TUSC3: variants seen among roughly 807,000 people sequenced by gnomAD.
TUSC3 encodes tumor suppressor candidate 3, also known as dolichyl-diphosphooligosaccharide--protein glycosyltransferase subunit TUSC3.
TUSC3 carries 45 observed loss-of-function variants against 44.8 expected under a neutral mutation model. The ratio of observed to expected loss-of-function variants is 1.00; its 90% confidence interval spans 0.79 to 1.29. The LOEUF is 1.29. Among genes scored for constraint, TUSC3 ranks in the 50% most tolerant of loss-of-function variants. The pLI is 0.00. For synonymous variants in TUSC3, 212 were observed against 152.9 expected (o/e 1.39, Z -2.85); for missense variants, 519 against 437.9 (o/e 1.19, Z -1.65).
intron 9 of TUSC3, 42 bp downstream of exon 9, chr8:15,748,507 AAT>A (rs763952923): frequency 6.9e-7 from 1 of 1,443,778 alleles, no homozygotes; most frequent in South Asian, 1.1e-5. Flanking sequence ...ATTTTTAACT[AAT>A]AGAACAGAGT....
the TUSC3 span, among the ~76,000 whole-genome samples, chr8:15,798,231 C>G: frequency 6.6e-6 from 1 of 151,772 alleles, no homozygotes; most frequent in South Asian, 2.1e-4. Context: ...TTGAATAGAC[C>G]CTTAAGGTCA....
chr8:15,650,269 T>C (rs1204695666), intron 2 of TUSC3, among the ~76,000 whole-genome samples: 1 of 152,218 alleles, frequency 6.6e-6, no homozygotes, highest in Non-Finnish European at 1.5e-5. Flanking sequence ...TTCTTAAAAA[T>C]TGGTCTTTGC....
chr8:15,562,112 C>T (rs531388924), intron 1 of TUSC3, among the ~76,000 whole-genome samples: 4 of 152,134 alleles, frequency 2.6e-5, no homozygotes, highest in African/African-American at 9.7e-5. Flanking sequence ...ATGCAGGAGT[C>T]TAGCTTCAGA....
At chr8:15,811,555 G>A in the TUSC3 span, among the ~76,000 whole-genome samples, 6 of 152,168 alleles carry the variant, frequency 3.9e-5, no homozygotes, top group African/African-American at 1.4e-4. Context: ...GCAGAGAGCT[G>A]GATCCAACCA....
the TUSC3 span, among the ~76,000 whole-genome samples, chr8:15,787,211 T>C: frequency 6.6e-6 from 1 of 152,294 alleles, no homozygotes; most frequent in South Asian, 2.1e-4. Flanking sequence ...AATTCTTAGA[T>C]TTCTTTCAAC....
intron 1 of TUSC3, among the ~76,000 whole-genome samples, chr8:15,603,898 G>C (rs1804409272): frequency 6.6e-6 from 1 of 151,284 alleles, no homozygotes; most frequent in South Asian, 2.1e-4. Context: ...TAGAATCATA[G>C]AACTTACAGA....
intron 3 of TUSC3, among the ~76,000 whole-genome samples, chr8:15,657,340 G>C (rs992614988): frequency 1.3e-5 from 2 of 152,134 alleles, no homozygotes; most frequent in Non-Finnish European, 2.9e-5. Flanking sequence ...ACTGCATCCA[G>C]AATGTTTTGC....
In TUSC3 at chr8:15,586,139, G is replaced by C. The variant is rs539443001; in HGVS notation, c.139-36941G>C. On this transcript the variant is annotated intron_variant, in intron 1 of 10. Transcript: ENST00000503731. Reference sequence around the variant, plus strand: ...ATTATGTTCATATAAGGTCAAGTCAGAGAAGTATCCATATATTTGCCTGTT... The same window carrying C: ...ATTATGTTCATATAAGGTCAAGTCACAGAAGTATCCATATATTTGCCTGTT... Among the ~76,000 whole-genome samples, 50 of 152,288 alleles carry C rather than the reference G, an allele frequency of 3.3e-4. 1 individual carries two copies. Among genetic ancestry groups the C allele is most frequent in the African/African-American group, 1.2e-3 (49 of 41,564 alleles).
the TUSC3 span, among the ~76,000 whole-genome samples, chr8:15,825,585 A>C: frequency 6.6e-6 from 1 of 152,102 alleles, no homozygotes; most frequent in Non-Finnish European, 1.5e-5. Flanking sequence ...GACTGGCAAC[A>C]AGATGCTGAG....
intron 1 of TUSC3, among the ~76,000 whole-genome samples, chr8:15,423,088 A>C (rs1415049854): frequency 6.6e-6 from 1 of 152,166 alleles, no homozygotes; most frequent in Non-Finnish European, 1.5e-5. Context: ...GAAATGTTAA[A>C]AGTTTTTTTT....
chr8:15,442,330 T>C (rs1316094082), intron 1 of TUSC3, among the ~76,000 whole-genome samples: 2 of 152,136 alleles, frequency 1.3e-5, no homozygotes, highest in South Asian at 2.1e-4. Context: ...AGGAAGTATT[T>C]TTTTTAAAGG....
intron 1 of TUSC3, among the ~76,000 whole-genome samples, chr8:15,607,073 C>A (rs1804561847): frequency 6.6e-6 from 1 of 152,040 alleles, no homozygotes; most frequent in East Asian, 1.9e-4. Flanking sequence ...TAAGCTTTTA[C>A]CCTGTGCTGT....
At chr8:15,555,153 T>G (rs2129137907) in intron 1 of TUSC3, among the ~76,000 whole-genome samples, 1 of 147,322 alleles carries the variant, frequency 6.8e-6, no homozygotes, top group African/African-American at 2.5e-5. Flanking sequence ...TTTTTTTTTT[T>G]TTTTTTTTTG....
upstream of TUSC3, among the ~76,000 whole-genome samples, chr8:15,535,932 A>C (rs370924402): frequency 6.6e-6 from 1 of 152,224 alleles, no homozygotes; most frequent in South Asian, 2.1e-4. Context: ...CATGTAACCC[A>C]GGACGGCCTT....
intron 1 of TUSC3, among the ~76,000 whole-genome samples, chr8:15,605,535 A>G (rs1055283820): frequency 3.9e-5 from 6 of 151,926 alleles, no homozygotes; most frequent in South Asian, 4.1e-4. Flanking sequence ...TCAAATCAAT[A>G]TATTGGAAAA....
intron 1 of TUSC3, among the ~76,000 whole-genome samples, chr8:15,441,625 A>G (rs1800021098): frequency 6.6e-6 from 1 of 152,198 alleles, no homozygotes; most frequent in Non-Finnish European, 1.5e-5. Context: ...TCTTATCAAT[A>G]TTAGGGACAT....
chr8:15,485,482 T>TTC (rs1396048241), intron 2 of TUSC3, among the ~76,000 whole-genome samples: 2 of 151,792 alleles, frequency 1.3e-5, no homozygotes, highest in African/African-American at 4.8e-5. Flanking sequence ...TTTTGTTTTT[T>TTC]GTGACACAGA....
intron 2 of TUSC3, among the ~76,000 whole-genome samples, chr8:15,497,379 C>G (rs1458455316): frequency 6.6e-6 from 1 of 152,120 alleles, no homozygotes; most frequent in Non-Finnish European, 1.5e-5. Flanking sequence ...AGCAGTAAGC[C>G]TGCCTCGCTC....
chr8:15,533,199 G>T (rs938305076), intron 2 of TUSC3, among the ~76,000 whole-genome samples: 1 of 152,150 alleles, frequency 6.6e-6, no homozygotes, highest in Non-Finnish European at 1.5e-5. Flanking sequence ...TAATTGTGAG[G>T]CCTCCGCAGC....
Sources: gnomAD v4.1 joint callset for allele counts (sites outside exome capture counted in the v4.1 genomes callset) on GRCh38, gnomAD v4.1.1 for gene constraint, MANE v1.5 for transcripts, NCBI Gene and HGNC (gene_info 2026-07-23, HGNC 2026-07-21) for gene names.